Variants in ANAPC5 observed in about 807,000 individuals in gnomAD.
ANAPC5 encodes the protein anaphase-promoting complex subunit 5.
Under a neutral mutation model 91.3 loss-of-function variants are expected in ANAPC5, and 60 were observed. That is an observed-to-expected ratio of 0.66 (90% confidence interval 0.53 to 0.81). The LOEUF (loss-of-function observed/expected upper bound fraction) is 0.81. ANAPC5 is among the 40% of genes least tolerant of loss of function. ANAPC5 has a pLI of 0.00. For synonymous variants in ANAPC5, 340 were observed against 364.1 expected, an observed-to-expected ratio of 0.93 and a Z score of 0.75; for missense variants, 690 against 931.5, an observed-to-expected ratio of 0.74 and a Z score of 3.37.
chr12:121,325,837 A>G (rs1200557366), intron 11 of ANAPC5, among the ~76,000 whole-genome samples: 4 of 152,256 alleles, frequency 2.6e-5, no homozygotes, highest in African/African-American at 9.6e-5. Flanking sequence ...ACTGCACTCC[A>G]GACTGGGCGA....
At chr12:121,321,426 C>T (rs1902604122) in intron 11 of ANAPC5, among the ~76,000 whole-genome samples, 2 of 145,558 alleles carry the variant, frequency 1.4e-5, no homozygotes, top group Admixed American at 1.4e-4. Flanking sequence ...TTGATCTCAG[C>T]TCAATGCAGC....
chr12:121,325,578 A>T (rs1194353466), intron 11 of ANAPC5, among the ~76,000 whole-genome samples: 1 of 152,126 alleles, frequency 6.6e-6, no homozygotes, highest in Non-Finnish European at 1.5e-5. Context: ...GTAAAAAAAA[A>T]TAATTTCGCC....
At chr12:121,350,250 A>T (rs1903831407) in intron 1 of ANAPC5, among the ~76,000 whole-genome samples, 2 of 152,122 alleles carry the variant, frequency 1.3e-5, no homozygotes, top group African/African-American at 4.8e-5. Flanking sequence ...TATAAATGCA[A>T]CTCTAGACAC....
At chr12:121,339,071 T>G (rs1191609752) in intron 5 of ANAPC5, among the ~76,000 whole-genome samples, 25 of 150,102 alleles carry the variant, frequency 1.7e-4, no homozygotes, top group African/African-American at 6.1e-4. Context: ...TTTTTTTTTT[T>G]TGAGACAGAG....
intron 8 of ANAPC5, chr12:121,331,019 T>G (rs1369700988): frequency 2.5e-6 from 1 of 392,314 alleles, no homozygotes; most frequent in Non-Finnish European, 4.7e-6. Context: ...ATTTTGCTAT[T>G]ACAGGACAAC....
At chr12:121,321,695 G>C (rs1259560456) in intron 11 of ANAPC5, among the ~76,000 whole-genome samples, 1 of 151,684 alleles carries the variant, frequency 6.6e-6, no homozygotes, top group African/African-American at 2.4e-5. Context: ...GCGCCACCAT[G>C]CTCAGCTAAT....
At chr12:121,348,093 A>C (rs1345682176) in intron 1 of ANAPC5, among the ~76,000 whole-genome samples, 2 of 152,198 alleles carry the variant, frequency 1.3e-5, no homozygotes, top group Non-Finnish European at 2.9e-5. Context: ...AAATAGAAAA[A>C]AAGCATAGGA....
intron 4 of ANAPC5, 71 bp downstream of exon 4, chr12:121,345,768 A>G (rs781862210): frequency 8.6e-5 from 125 of 1,454,874 alleles, no homozygotes; most frequent in Middle Eastern, 4.8e-4. Flanking sequence ...TTCTAAATGA[A>G]CAAGGACTTA....
Position 121,344,624 on chromosome 12 carries a change from G to A in ANAPC5, c.590+1215C>T, listed in dbSNP as rs138532723. The stretch of plus-strand genomic sequence containing the variant: ...AAAGAAAAAGAAAGTATTTGGGATA[G>A]GCGCTACCTCGTGGTCAGGGAGGCC... On this transcript the variant is annotated intron_variant, in intron 4 of 16. Coordinates refer to ENST00000261819, the MANE Select transcript of ANAPC5 (RefSeq NM_016237.5). Among the ~76,000 whole-genome samples, 1,000 of 151,972 alleles carry A rather than the reference G, an allele frequency of 6.6e-3. 11 individuals are homozygous for A. The highest frequency in any genetic ancestry group is 8.0e-3 in the Non-Finnish European group (544 of 67,954).
In ANAPC5 at chr12:121,335,585, A is replaced by AG; in HGVS notation, c.897dup (p.Arg301GlufsTer29). ...GCAAGATTCAGAGCGGCGTATCTCA[A>AG]GCTCCGGCCATAGCCCTCTTCCCCA... On this transcript the variant is annotated frameshift_variant, in exon 7 of 17. Transcript: ENST00000261819. LOFTEE classifies it high-confidence loss of function. 4 of 1,613,858 alleles carry AG rather than the reference A, an allele frequency of 2.5e-6. No homozygotes were observed. Among genetic ancestry groups the AG allele is most frequent in the Non-Finnish European group, 3.4e-6 (4 of 1,179,746 alleles).
chr12:121,320,479 T>A lies in ANAPC5; in HGVS notation c.1441-20A>T. On this transcript the variant is annotated intron_variant, in intron 11 of 16. Transcript: ENST00000261819. ...ACAGCCCTAAAGTAGAAACACACAA[T>A]TTGATCAGCATAACCTGTGTTGAAT... 1 of 1,611,324 alleles carries A rather than the reference T, an allele frequency of 6.2e-7. No individual in the cohort carries two copies. Among genetic ancestry groups the A allele is most frequent in the African/African-American group, 1.3e-5 (1 of 74,994 alleles).
intron 15 of ANAPC5, among the ~76,000 whole-genome samples, chr12:121,317,485 C>CTTGT (rs1334972713): frequency 6.6e-6 from 1 of 151,956 alleles, no homozygotes; most frequent in Non-Finnish European, 1.5e-5. Flanking sequence ...AACTCCTGAC[C>CTTGT]TTGTGATCTG....
intron 11 of ANAPC5, among the ~76,000 whole-genome samples, chr12:121,323,656 C>G (rs1902702573): frequency 6.6e-6 from 1 of 152,094 alleles, no homozygotes; most frequent in Non-Finnish European, 1.5e-5. Context: ...CTTATTGATC[C>G]CGAAATACTT....
chr12:121,323,769 T>C (rs1442972225), intron 11 of ANAPC5, among the ~76,000 whole-genome samples: 2 of 152,186 alleles, frequency 1.3e-5, no homozygotes, highest in Admixed American at 6.6e-5. Flanking sequence ...AGAAATTACA[T>C]AGAATTACAA....
chr12:121,325,034 C>T (rs782230328), intron 11 of ANAPC5, among the ~76,000 whole-genome samples: 35 of 152,132 alleles, frequency 2.3e-4, no homozygotes, highest in Admixed American at 1.6e-3. Context: ...TGTGGTAGCA[C>T]GCTCCTATAG....
intron 5 of ANAPC5, among the ~76,000 whole-genome samples, chr12:121,339,881 T>G (rs1903378797): frequency 6.7e-6 from 1 of 149,888 alleles, no homozygotes; most frequent in Admixed American, 6.6e-5. Flanking sequence ...TTTTTTTTTT[T>G]TTTTTTTTTT....
chr12:121,330,514 AG>A (rs782763427), intron 9 of ANAPC5, 68 bp downstream of exon 9: 4 of 1,266,620 alleles, frequency 3.2e-6, no homozygotes, highest in Non-Finnish European at 4.6e-6. Flanking sequence ...TTAATGACAG[AG>A]GTGGGCAGAA....
At chr12:121,346,575 T>A (rs1903674314) in intron 3 of ANAPC5, 3 of 240,308 alleles carry the variant, frequency 1.2e-5, no homozygotes, top group Non-Finnish European at 1.6e-5. Flanking sequence ...CCTCTCTTCA[T>A]AAGTCTGGGC....
chr12:121,346,847 G>T, intron 3 of ANAPC5, 49 bp downstream of exon 3: 1 of 1,157,500 alleles, frequency 8.6e-7, no homozygotes, highest in Non-Finnish European at 1.2e-6. Context: ...TTAGAAAGCT[G>T]CTCACTTCAA....
Sources: gnomAD v4.1 joint callset for allele counts (sites outside exome capture counted in the v4.1 genomes callset) on GRCh38, gnomAD v4.1.1 for gene constraint, MANE v1.5 for transcripts, NCBI Gene and HGNC (gene_info 2026-07-23, HGNC 2026-07-21) for gene names.